Variants in DDX60 observed in about 807,000 individuals in gnomAD.
DDX60 encodes probable ATP-dependent RNA helicase DDX60.
Under a neutral mutation model 212.8 loss-of-function variants are expected in DDX60, and 165 were observed. The observed-to-expected ratio is 0.78, with a 90% CI of 0.68 to 0.88. The LOEUF is 0.88. Ranked by LOEUF, DDX60 falls within the 40% of genes least tolerant of loss-of-function variation. DDX60 has a pLI of 0.00. For missense variants in DDX60, 1,905 were observed against 2,003.9 expected (o/e 0.95, Z 0.94); for synonymous variants, 703 against 685.3 (o/e 1.03, Z -0.40).
intron 1 of DDX60, among the ~76,000 whole-genome samples, chr4:168,311,614 A>C (rs994617644): frequency 1.3e-5 from 2 of 152,162 alleles, no homozygotes; most frequent in Non-Finnish European, 2.9e-5. Flanking sequence ...CTGAGTTCTA[A>C]GAAATAAACA....
chr4:168,217,835 A>T (rs2149488384), intron 37 of DDX60, among the ~76,000 whole-genome samples: 1 of 152,300 alleles, frequency 6.6e-6, no homozygotes, highest in East Asian at 1.9e-4. Context: ...TTGTCCCTTA[A>T]GAGCCTTTAC....
At chr4:168,306,290 T>C (rs994974836) in intron 5 of DDX60, 89 bp downstream of exon 5, 10 of 833,938 alleles carry the variant, frequency 1.2e-5, no homozygotes, top group African/African-American at 8.6e-5. Context: ...TCTGATAATT[T>C]CCTAGAGGAG....
At position 168,247,132 on chromosome 4, in the gene DDX60, T is replaced by C. The variant is rs1043285914; in HGVS notation, c.3964-514A>G. On this transcript the variant is annotated intron_variant, in intron 29 of 37. Coordinates refer to ENST00000393743, the MANE Select transcript of DDX60 (RefSeq NM_017631.6). ...TACTTGTGAAAAAGCAAGTTATGAA[T>C]AAACTCTTTACAGAGCTTATGTTAA... Among the ~76,000 whole-genome samples the C allele has an allele frequency of 2.0e-5, 3 of 152,226 alleles. No homozygotes were observed. The South Asian group carries it at 6.2e-4, about 32-fold the overall frequency.
At chr4:168,261,028 GAGAA>G (rs1560834823) in intron 24 of DDX60, 39 bp from the exon 25 acceptor site, 2 of 1,566,560 alleles carry the variant, frequency 1.3e-6, no homozygotes, top group African/African-American at 1.4e-5. Flanking sequence ...AGTTCTGCAT[GAGAA>G]AGAAAGAAAT....
chr4:168,238,301 T>C (rs1187648943), intron 30 of DDX60, among the ~76,000 whole-genome samples: 1 of 142,184 alleles, frequency 7.0e-6, no homozygotes, highest in African/African-American at 2.6e-5. Context: ...TCTTTAGGCC[T>C]GAGGGTTTAT....
chr4:168,222,695 A>T (rs1023756463), intron 35 of DDX60, among the ~76,000 whole-genome samples: 1 of 152,154 alleles, frequency 6.6e-6, no homozygotes, highest in Non-Finnish European at 1.5e-5. Context: ...GCTACTTTTT[A>T]AATGAGTTGG....
In DDX60 at chr4:168,217,021, C is replaced by T. The variant is rs763520296; in HGVS notation, c.5051G>A (p.Arg1684His). The change falls in exon 38 of 38, where the codon CGT (arginine) becomes CAT (histidine). Residue 1684 changes from arginine to histidine, a missense_variant. Physicochemically the swap from Arg to His is conservative, Grantham distance 29 (BLOSUM62 0). Transcript: ENST00000393743. ...GTCGTCTTCATTTTCACATAGCTCA[C>T]GCAAGGAAACACTGGAAATGGGGAA... ...LTIKSISVSL[R>H]ELCENEDDNV... The T allele has an allele frequency of 3.0e-5, 48 of 1,603,160 alleles. No homozygotes were observed. The East Asian group carries it at 3.4e-4, about 11-fold the overall frequency.
intron 25 of DDX60, 43 bp downstream of exon 25, chr4:168,260,822 T>C (rs1176422356): frequency 1.2e-5 from 19 of 1,554,494 alleles, no homozygotes; most frequent in Non-Finnish European, 1.6e-5. Context: ...GGAATGAGTC[T>C]AATACAATTA....
intron 8 of DDX60, among the ~76,000 whole-genome samples, chr4:168,289,621 A>G (rs1229429103): frequency 6.6e-6 from 1 of 152,126 alleles, no homozygotes; most frequent in East Asian, 1.9e-4. Flanking sequence ...TGTTTACTAG[A>G]TATCTCCATG....
chr4:168,286,403 C>T (rs1210948505), intron 10 of DDX60, among the ~76,000 whole-genome samples: 2 of 124,596 alleles, frequency 1.6e-5, no homozygotes, highest in Admixed American at 8.3e-5. Flanking sequence ...CACACACACA[C>T]ACACACACAC....
intron 33 of DDX60, among the ~76,000 whole-genome samples, chr4:168,230,220 A>G (rs1348149011): frequency 6.6e-6 from 1 of 152,140 alleles, no homozygotes; most frequent in Non-Finnish European, 1.5e-5. Flanking sequence ...AATTTATAAA[A>G]CAATTACTAA....
intron 9 of DDX60, 60 bp from the exon 10 acceptor site, chr4:168,287,263 T>C: frequency 2.8e-6 from 4 of 1,419,372 alleles, no homozygotes; most frequent in Non-Finnish European, 9.7e-7. Context: ...TAAAGAATCA[T>C]TAGTCACATT....
rs747328711 is a variant in DDX60, at chr4:168,308,061, C to G, written c.209G>C (p.Arg70Pro). Reference sequence around the variant, plus strand: ...TTTGCTAATAAGATCCACAAGATAGCGTTCAACCAGATAGAAGAAATGGAG... The same window carrying G: ...TTTGCTAATAAGATCCACAAGATAGGGTTCAACCAGATAGAAGAAATGGAG... ...QNLHFFYLVE[R>P]YLVDLISKGG... The change falls in exon 4 of 38, where the codon CGC becomes CCC. Residue 70 changes from arginine to proline, a missense_variant. Transcript: ENST00000393743. 6.2e-7 allele frequency: 1 copy of G among 1,611,180 alleles called. No individual in the cohort carries two copies. The highest frequency in any genetic ancestry group is 8.5e-7 in the Non-Finnish European group (1 of 1,179,438).
At chr4:168,291,955 T>C (rs1190581818) in intron 7 of DDX60, 49 bp from the exon 8 acceptor site, 34 of 1,422,096 alleles carry the variant, frequency 2.4e-5, no homozygotes, top group Non-Finnish European at 3.0e-5. Flanking sequence ...GGGTGTGACA[T>C]TGCATAATAA....
At chr4:168,229,112 A>G (rs1733358656) in intron 33 of DDX60, among the ~76,000 whole-genome samples, 1 of 152,106 alleles carries the variant, frequency 6.6e-6, no homozygotes, top group Non-Finnish European at 1.5e-5. Context: ...CCAAAGGAAC[A>G]CACCAGGAAA....
rs1340336965 is a variant in DDX60, at chr4:168,248,289, C to A, written c.3862G>T (p.Val1288Leu). The change falls in exon 29 of 38, where the codon GTG becomes TTG. Residue 1288 changes from valine (V) to leucine (L), a missense_variant. Physicochemically the swap from Val to Leu is conservative, Grantham distance 32. Transcript: ENST00000393743. ...AAAGCAAGTGTTCCAGTAGCTGTCA[C>A]CACCTTGAAAGAGAATAAAACAATT... is the stretch of plus-strand genomic sequence containing the variant. ...ILFRKGYLRV[V>L]TATGTLALGV... 6.3e-7 allele frequency: 1 copy of A among 1,594,546 alleles called. No homozygotes were observed. The highest frequency in any genetic ancestry group is 8.5e-7 in the Non-Finnish European group (1 of 1,172,138).
At chr4:168,264,683 G>A (rs1316678536) in intron 22 of DDX60, among the ~76,000 whole-genome samples, 1 of 152,144 alleles carries the variant, frequency 6.6e-6, no homozygotes, top group Non-Finnish European at 1.5e-5. Context: ...ATATGTAACA[G>A]ACTTAGTAAA....
At chr4:168,295,357 T>C (rs1352108600) in intron 6 of DDX60, among the ~76,000 whole-genome samples, 3 of 152,202 alleles carry the variant, frequency 2.0e-5, no homozygotes, top group East Asian at 1.9e-4. Context: ...GTAGACAAGA[T>C]TGAAAACCTA....
At chr4:168,267,528 T>C (rs1217275501) in intron 22 of DDX60, 54 bp downstream of exon 22, 1 of 775,260 alleles carries the variant, frequency 1.3e-6, no homozygotes, top group Non-Finnish European at 1.9e-6. Context: ...TTATTTATAA[T>C]ATATACAAAT....
Sources: allele counts gnomAD v4.1 joint callset (sites outside exome capture counted in the v4.1 genomes callset), GRCh38; gene constraint gnomAD v4.1.1; transcripts MANE v1.5; gene names NCBI Gene and HGNC (gene_info 2026-07-23, HGNC 2026-07-21).